The following ZNF501 variants were observed in gnomAD, a reference collection of about 807,000 sequenced individuals.
ZNF501 encodes zinc finger protein 501, also known as zinc finger protein 52.
A neutral mutation model predicts 5.7 loss-of-function variants in ZNF501; 7 were observed. The ratio of observed to expected loss-of-function variants is 1.24; its 90% CI spans 0.70 to 2.32. ZNF501 has a LOEUF of 2.32. Ranked by LOEUF, ZNF501 falls within the 30% of genes most tolerant of loss-of-function variation. The pLI is 0.00. For synonymous variants in ZNF501, 107 were observed against 101.9 expected (o/e 1.05, Z -0.30); for missense variants, 352 against 321.1 (o/e 1.10, Z -0.73).
chr3:44,734,477 A>G lies in ZNF501; in HGVS notation c.56A>G (p.Lys19Arg). Residue 19 changes from lysine to arginine, a missense_variant, in exon 3 of 3, where the codon AAG becomes AGG. Physicochemically the swap from Lys to Arg is conservative, Grantham distance 26. Coordinates refer to ENST00000620116, the MANE Select transcript of ZNF501 (RefSeq NM_001258280.2). The stretch of plus-strand genomic sequence containing the variant: ...AAACATGGGAGAGTTAACATGCAGA[A>G]GAAACCTTCAAAGTGTAGTGAATGT... Reference protein sequence around the residue: ...RMKHGRVNMQKKPSKCSECGK... With the variant: ...RMKHGRVNMQRKPSKCSECGK... 6.2e-7 allele frequency: 1 copy of G among 1,614,208 alleles called. No individual in the cohort carries two copies. Among genetic ancestry groups the G allele is most frequent in the Non-Finnish European group, 8.5e-7 (1 of 1,180,022 alleles).
intron 2 of ZNF501, among the ~76,000 whole-genome samples, chr3:44,733,105 C>T (rs769938952): frequency 1.1e-3 from 161 of 152,254 alleles, no homozygotes; most frequent in Non-Finnish European, 2.0e-3. Flanking sequence ...ATTATAGGTG[C>T]GAGCCACCAT....
Position 44,734,870 on chromosome 3 carries a change from C to T in ZNF501, c.449C>T (p.Thr150Ile). Residue 150 changes from threonine to isoleucine, a missense_variant, in exon 3 of 3, where the codon ACT (threonine) becomes ATT (isoleucine). Coordinates refer to ENST00000620116, the MANE Select transcript of ZNF501 (RefSeq NM_001258280.2). ...GKAFSQSICL[T>I]RHQRSHSGDK... ...GCCTTCAGTCAGAGCATATGCCTTA[C>T]TCGTCATCAGAGAAGTCATTCTGGA... The T allele has an allele frequency of 6.2e-7, 1 of 1,613,794 alleles. No individual in the cohort carries two copies. The highest frequency in any genetic ancestry group is 1.1e-5 in the South Asian group (1 of 91,082).
chr3:44,733,403 A>G (rs181441706), intron 2 of ZNF501, among the ~76,000 whole-genome samples: 39 of 152,326 alleles, frequency 2.6e-4, no homozygotes, highest in Non-Finnish European at 4.9e-4. Context: ...TTTGTTTCCC[A>G]AAGAGTGCTC....
chr3:44,732,559 G>A (rs1474682148), intron 2 of ZNF501, among the ~76,000 whole-genome samples: 2 of 152,158 alleles, frequency 1.3e-5, no homozygotes, highest in East Asian at 1.9e-4. Context: ...GCAGGTAGTC[G>A]TGAACAATTT....
chr3:44,732,059 G>A (rs1704623595), intron 2 of ZNF501: 1 of 152,204 alleles, frequency 6.6e-6, no homozygotes, highest in African/African-American at 2.4e-5. Context: ...TGGAGCCTGG[G>A]TGTCTGTCAA....
At chr3:44,732,048 A>G (rs1440195673) in intron 2 of ZNF501, 1 of 152,246 alleles carries the variant, frequency 6.6e-6, no homozygotes, top group Non-Finnish European at 1.5e-5. Context: ...AAAAGGCAAC[A>G]TGGAGCCTGG....
intron 2 of ZNF501, among the ~76,000 whole-genome samples, chr3:44,733,573 C>A (rs755135141): frequency 3.3e-5 from 5 of 152,178 alleles, no homozygotes; most frequent in Non-Finnish European, 7.4e-5. Flanking sequence ...TTTCAGATTT[C>A]TTTGGCTACA....
rs1704709890 is a variant in ZNF501, at chr3:44,736,888, T to C, written c.*1651T>C. The C allele has an allele frequency of 6.0e-6, 1 of 167,008 alleles. No homozygotes were observed. The highest frequency in any genetic ancestry group is 2.4e-5 in the African/African-American group (1 of 41,470). 10.3% of individuals were successfully genotyped at this position (167,008 alleles called of 1,614,324 possible). A position where few individuals can be genotyped will look rare whatever the true frequency, so the allele number is the denominator to read the frequency against. On this transcript the variant is annotated 3_prime_UTR_variant, in exon 3 of 3. Coordinates refer to ENST00000620116, the MANE Select transcript of ZNF501 (RefSeq NM_001258280.2). ...TTTTGTATAACAGACCTTTATCAGA[T>C]AGGTCTTTTGCAAATATTTTCCTCC...
chr3:44,729,988 G>C lies in ZNF501; in HGVS notation c.-338G>C, dbSNP rs2125872765. On this transcript the variant is annotated 5_prime_UTR_variant, in exon 1 of 3. Transcript: ENST00000620116. ...AGAAGTAAATACTGTTTCCTGCCTT[G>C]CCGTTTCCCAAAGTTGTGCGGGTTG... 1 of 152,308 alleles carries C rather than the reference G, an allele frequency of 6.6e-6. No homozygotes were observed. The highest frequency in any genetic ancestry group is 6.5e-5 in the Admixed American group (1 of 15,308). 9.4% of individuals were successfully genotyped at this position (152,308 alleles called of 1,614,324 possible).
In ZNF501 at chr3:44,734,889, T is replaced by A. The variant is rs1160455304; in HGVS notation, c.468T>A (p.His156Gln). 4.3e-6 allele frequency: 7 copies of A among 1,613,910 alleles called. No individual in the cohort carries two copies. The East Asian group carries it at 1.6e-4, about 36-fold the overall frequency. Residue 156 changes from histidine to glutamine, a missense_variant, in exon 3 of 3, where the codon CAT (histidine) becomes CAA (glutamine). Coordinates refer to ENST00000620116, the MANE Select transcript of ZNF501 (RefSeq NM_001258280.2). ...SICLTRHQRS[H>Q]SGDKPFKCNE... is the part of the protein sequence containing the mutation. ...GCCTTACTCGTCATCAGAGAAGTCA[T>A]TCTGGAGATAAACCTTTTAAGTGTA... is the stretch of plus-strand genomic sequence containing the variant.
At chr3:44,731,005 T>C (rs1704607173) in intron 1 of ZNF501, among the ~76,000 whole-genome samples, 1 of 152,382 alleles carries the variant, frequency 6.6e-6, no homozygotes, top group East Asian at 1.9e-4. Context: ...AGCTTTTCAA[T>C]TTCATTTAAC....
Position 44,734,403 on chromosome 3 carries a change from A to T in ZNF501, c.-19A>T. 1 of 1,601,000 alleles carries T rather than the reference A, an allele frequency of 6.2e-7. No individual in the cohort carries two copies. Among genetic ancestry groups the T allele is most frequent in the Non-Finnish European group, 8.5e-7 (1 of 1,172,798 alleles). On this transcript the variant is annotated 5_prime_UTR_variant, in exon 3 of 3. Transcript: ENST00000620116. The stretch of plus-strand genomic sequence containing the variant: ...GAGGAAAAAAAACTTGTAAGTATGA[A>T]TTTGGTGTTACAAGCAGCATGAATT...
At chr3:44,731,995 A>C (rs1473050139) in intron 2 of ZNF501, 1 of 152,218 alleles carries the variant, frequency 6.6e-6, no homozygotes, top group African/African-American at 2.4e-5. Context: ...CATGTTTAGA[A>C]CAAGAGCTTA....
Sources: gnomAD v4.1 joint callset for allele counts (sites outside exome capture counted in the v4.1 genomes callset) on GRCh38, gnomAD v4.1.1 for gene constraint, MANE v1.5 for transcripts, NCBI Gene and HGNC (gene_info 2026-07-23, HGNC 2026-07-21) for gene names.